CTNND2: variants seen among roughly 807,000 people sequenced by gnomAD.
The protein encoded by CTNND2 is catenin delta 2, also known as catenin delta-2.
Under a neutral mutation model 144.4 loss-of-function variants are expected in CTNND2, and 22 were observed. The observed-to-expected ratio is 0.15, with a 90% CI of 0.11 to 0.22. The LOEUF is 0.22. Among genes scored for constraint, CTNND2 ranks in the 10% least tolerant of loss-of-function variants. CTNND2 has a pLI of 1.00. For missense variants in CTNND2, 1,353 were observed against 1,618.8 expected (o/e 0.84, Z 2.82); for synonymous variants, 751 against 695.6 (o/e 1.08, Z -1.25).
chr5:11,531,265 T>C (rs898030815), intron 3 of CTNND2, among the ~76,000 whole-genome samples: 1 of 151,962 alleles, frequency 6.6e-6, no homozygotes, highest in African/African-American at 2.4e-5. Flanking sequence ...TAAAGGACCC[T>C]ACACAGGTGA....
At chr5:11,385,692 C>T (rs1759013210) in intron 6 of CTNND2, 1 of 152,166 alleles carries the variant, frequency 6.6e-6, no homozygotes. Flanking sequence ...GATACACTTT[C>T]TACCTCTGAG....
chr5:11,054,574 G>A (rs1304242837), intron 16 of CTNND2, among the ~76,000 whole-genome samples: 2 of 152,110 alleles, frequency 1.3e-5, no homozygotes, highest in African/African-American at 4.8e-5. Flanking sequence ...CCGCCTTCCC[G>A]CCAGTCCCCA....
intron 7 of CTNND2, among the ~76,000 whole-genome samples, chr5:11,373,631 T>C (rs992432512): frequency 2.0e-5 from 3 of 152,110 alleles, no homozygotes; most frequent in Admixed American, 6.5e-5. Context: ...GGGAATGGAA[T>C]AGTTCAAAGA....
intron 1 of CTNND2, among the ~76,000 whole-genome samples, chr5:11,866,755 A>G (rs1427069167): frequency 6.6e-6 from 1 of 152,240 alleles, no homozygotes; most frequent in Non-Finnish European, 1.5e-5. Context: ...ACTACTGCTC[A>G]TGCAAAATAA....
At chr5:10,986,218 CAT>C (rs1276077272) in intron 20 of CTNND2, among the ~76,000 whole-genome samples, 1 of 152,178 alleles carries the variant, frequency 6.6e-6, no homozygotes, top group Non-Finnish European at 1.5e-5. Flanking sequence ...ATATCAGAAA[CAT>C]AGTAAATTTT....
At chr5:11,089,538 A>G (rs146397397) in intron 15 of CTNND2, among the ~76,000 whole-genome samples, 5 of 152,312 alleles carry the variant, frequency 3.3e-5, no homozygotes, top group African/African-American at 1.2e-4. Context: ...ACAGTTGGAG[A>G]TTTTAAACTG....
At chr5:11,523,708 TC>T (rs1772961436) in intron 3 of CTNND2, among the ~76,000 whole-genome samples, 3 of 152,178 alleles carry the variant, frequency 2.0e-5, no homozygotes, top group Admixed American at 2.0e-4. Flanking sequence ...ACCGGGGACT[TC>T]CTGCACCTGC....
intron 13 of CTNND2, among the ~76,000 whole-genome samples, chr5:11,116,810 C>T (rs547573945): frequency 1.3e-5 from 2 of 152,272 alleles, no homozygotes; most frequent in African/African-American, 4.8e-5. Flanking sequence ...GTAATCCCAG[C>T]ACTTTGGGAG....
chr5:11,592,326 C>T (rs1342438768), intron 2 of CTNND2, among the ~76,000 whole-genome samples: 2 of 151,964 alleles, frequency 1.3e-5, no homozygotes, highest in African/African-American at 4.8e-5. Flanking sequence ...TGCCTTCCTT[C>T]CTTCCTTCCT....
At position 11,817,720 on chromosome 5, in the gene CTNND2, C is replaced by T. The variant is rs78147891; in HGVS notation, c.38-85448G>A. Among the ~76,000 whole-genome samples, 968 of 152,052 alleles carry T rather than the reference C, an allele frequency of 6.4e-3. 12 individuals carry two copies. The highest frequency in any genetic ancestry group is 0.022 in the African/African-American group (915 of 41,478). ...CACGCTCTGTCTCCACAGGTTACGG[C>T]GGGGATGGGATGCGAGTCCACTCAC... On this transcript the variant is annotated intron_variant, in intron 1 of 21. Coordinates refer to ENST00000304623, the MANE Select transcript of CTNND2 (RefSeq NM_001332.4).
At chr5:11,545,652 G>C (rs1775169046) in intron 3 of CTNND2, among the ~76,000 whole-genome samples, 1 of 90,926 alleles carries the variant, frequency 1.1e-5, no homozygotes, top group African/African-American at 4.7e-5. Flanking sequence ...GACAGAGCAA[G>C]ACTGTGTCTC....
chr5:11,766,624 C>A (rs1188111707), intron 1 of CTNND2, among the ~76,000 whole-genome samples: 1 of 152,070 alleles, frequency 6.6e-6, no homozygotes, highest in Non-Finnish European at 1.5e-5. Flanking sequence ...CCAGTCTCAG[C>A]TTTGTCTTTA....
intron 7 of CTNND2, among the ~76,000 whole-genome samples, chr5:11,375,551 A>C (rs1461706729): frequency 6.6e-6 from 1 of 152,184 alleles, no homozygotes; most frequent in Non-Finnish European, 1.5e-5. Context: ...GTGCATGTAT[A>C]TGTTAAAGTT....
chr5:11,466,160 C>T (rs535391409), intron 3 of CTNND2, among the ~76,000 whole-genome samples: 1 of 152,290 alleles, frequency 6.6e-6, no homozygotes, highest in Admixed American at 6.5e-5. Context: ...TACCACCATG[C>T]CTGGCTAATT....
intron 12 of CTNND2, among the ~76,000 whole-genome samples, chr5:11,125,705 G>A (rs1244439587): frequency 6.6e-6 from 1 of 152,180 alleles, no homozygotes; most frequent in African/African-American, 2.4e-5. Context: ...AGTAGCATTG[G>A]CAATTTTAGT....
chr5:11,666,523 T>C (rs1029108610), intron 2 of CTNND2, among the ~76,000 whole-genome samples: 1 of 152,170 alleles, frequency 6.6e-6, no homozygotes, highest in South Asian at 2.1e-4. Flanking sequence ...ACAGATCAAG[T>C]TGAAGGAATA....
chr5:11,624,355 G>A lies in CTNND2; in HGVS notation c.175-59299C>T, dbSNP rs544478776. 7.2e-5 allele frequency among the ~76,000 whole-genome samples: 11 copies of A among 152,134 alleles called. No homozygotes were observed. In the East Asian group the frequency reaches 1.9e-3, roughly 27 times the overall value. ...TCTAAAGAAATAGTTTACATCAATTGGCTTGTTGAGAAGAAAGAGGAACAT... is the reference window on the plus strand; with the variant it reads ...TCTAAAGAAATAGTTTACATCAATTAGCTTGTTGAGAAGAAAGAGGAACAT... On this transcript the variant is annotated intron_variant, in intron 2 of 21. Transcript: ENST00000304623.
chr5:11,428,894 T>C (rs1384313444), intron 3 of CTNND2, among the ~76,000 whole-genome samples: 1 of 152,244 alleles, frequency 6.6e-6, no homozygotes, highest in Non-Finnish European at 1.5e-5. Flanking sequence ...ACAGTCATGC[T>C]CCTTTGTCCT....
chr5:11,530,355 T>C (rs1773635589), intron 3 of CTNND2, among the ~76,000 whole-genome samples: 1 of 152,164 alleles, frequency 6.6e-6, no homozygotes, highest in African/African-American at 2.4e-5. Context: ...ATAGATCCAA[T>C]TTGGCCTCAT....
Sources: allele counts gnomAD v4.1 joint callset (sites outside exome capture counted in the v4.1 genomes callset), GRCh38; gene constraint gnomAD v4.1.1; transcripts MANE v1.5; gene names NCBI Gene and HGNC (gene_info 2026-07-23, HGNC 2026-07-21).